Variants in BPIFB3 observed in about 807,000 individuals in gnomAD.
BPIFB3 encodes the protein BPI fold containing family B member 3, also known as BPI fold-containing family B member 3.
A neutral mutation model predicts 53.1 loss-of-function variants in BPIFB3; 49 were observed. That is an observed-to-expected ratio of 0.92 (90% CI 0.73 to 1.17). The LOEUF (loss-of-function observed/expected upper bound fraction) is 1.17. BPIFB3 is among the 50% of genes most tolerant of loss of function. BPIFB3 has a pLI of 0.00. For synonymous variants in BPIFB3, 271 were observed against 269.6 expected (o/e 1.01, Z -0.05); for missense variants, 628 against 592.5 (o/e 1.06, Z -0.62).
intron 3 of BPIFB3, 151 bp from the exon 5 acceptor site, chr20:33,059,740 G>A: frequency 8.5e-7 from 1 of 1,176,598 alleles, no homozygotes; most frequent in Non-Finnish European, 1.2e-6. Flanking sequence ...GAGGGTCAGG[G>A]AAGAGGGTGC....
At position 33,056,623 on chromosome 20, in the gene BPIFB3, G is replaced by A. The variant is rs1285037131; in HGVS notation, c.206G>A (p.Gly69Asp). ...ACAGCTGTGAACCGGGGCCTCTTGG[G>A]CTCAGGAGGGCTGCTTGGAGGAGGC... The change falls in exon 2 of 15, where the codon GGC (glycine) becomes GAC (aspartate). Residue 69 changes from glycine to aspartate, a missense_variant. By Grantham distance (94) the Gly-to-Asp change is moderately conservative (BLOSUM62 -1). Transcript: ENST00000375494. 19 of 1,613,686 alleles carry A rather than the reference G, an allele frequency of 1.2e-5. No homozygotes were observed. Among genetic ancestry groups the A allele is most frequent in the Non-Finnish European group, 1.6e-5 (19 of 1,179,936 alleles).
chr20:33,056,593 C>A lies in BPIFB3; in HGVS notation c.176C>A (p.Ser59Ter), dbSNP rs112217883. 5 of 1,613,834 alleles carry A rather than the reference C, an allele frequency of 3.1e-6. No homozygotes were observed. Among genetic ancestry groups the A allele is most frequent in the Non-Finnish European group, 4.2e-6 (5 of 1,180,024 alleles). The change falls in exon 2 of 15, where the codon TCG (serine) becomes TAG (stop). Residue 59 changes from serine to a stop codon, truncating the protein, a stop_gained. Coordinates refer to ENST00000375494, the Ensembl canonical transcript of BPIFB3. LOFTEE classifies it high-confidence loss of function. The stretch of plus-strand genomic sequence containing the variant: ...CCCATTCTGCAGAATGTGCTGGGAT[C>A]GGTCACAGCTGTGAACCGGGGCCTC...
chr20:33,072,040 T>A, intron 12 of BPIFB3, 64 bp from the exon 14 acceptor site: 1 of 1,553,758 alleles, frequency 6.4e-7, no homozygotes, highest in South Asian at 1.1e-5. Context: ...GGGAACGGGA[T>A]GCTGCTGCCT....
chr20:33,067,478 G>C (rs1018017844), intron 9 of BPIFB3, among the ~76,000 whole-genome samples: 10 of 152,216 alleles, frequency 6.6e-5, no homozygotes, highest in African/African-American at 2.2e-4. Flanking sequence ...TCACCAGAGA[G>C]GATGGAAATG....
intron 5 of BPIFB3, 69 bp downstream of exon 6, chr20:33,061,900 G>A: frequency 6.4e-7 from 1 of 1,569,664 alleles, no homozygotes; most frequent in Non-Finnish European, 8.8e-7. Context: ...TCTGGTTTTG[G>A]GTGAAGTTTG....
chr20:33,056,357 C>T (rs140784682), intron 1 of BPIFB3, among the ~76,000 whole-genome samples, 185 bp from the exon 3 acceptor site: 1,930 of 152,348 alleles, frequency 0.013, 25 homozygotes, highest in Admixed American at 0.018. Flanking sequence ...AGGGTGGCCA[C>T]AGGCCCTGCG....
chr20:33,064,874 G>A (rs1367311687), intron 8 of BPIFB3, 29 bp downstream of exon 9: 20 of 1,601,356 alleles, frequency 1.2e-5, no homozygotes, highest in Non-Finnish European at 1.5e-5. Context: ...GGATGGGGAT[G>A]GGGGCTCCTT....
chr20:33,062,484 C>A (rs966043249), intron 5 of BPIFB3, among the ~76,000 whole-genome samples: 1 of 152,132 alleles, frequency 6.6e-6, no homozygotes. Flanking sequence ...CTGCCCTGGG[C>A]TTGAGGAAGC....
chr20:33,061,946 A>C, intron 5 of BPIFB3, 115 bp downstream of exon 6: 1 of 1,229,136 alleles, frequency 8.1e-7, no homozygotes, highest in Non-Finnish European at 1.2e-6. Context: ...TCCCTTCCAC[A>C]CCCACCTGGT....
At chr20:33,058,545 G>A (rs1451632661) in intron 2 of BPIFB3, among the ~76,000 whole-genome samples, 2 of 152,028 alleles carry the variant, frequency 1.3e-5, no homozygotes, top group Non-Finnish European at 2.9e-5. Flanking sequence ...AATAGAGCCG[G>A]GCAGAGAGTA....
intron 5 of BPIFB3, 42 bp downstream of exon 6, chr20:33,061,873 C>G: frequency 6.2e-7 from 1 of 1,604,652 alleles, no homozygotes. Context: ...TCTCCCAGGA[C>G]TGGGCCTCTT....
exon 12 of BPIFB3, chr20:33,071,282 C>A (rs769871046): frequency 6.4e-7 from 1 of 1,564,902 alleles, no homozygotes; most frequent in Non-Finnish European, 8.7e-7. Flanking sequence ...TCCTCCTTTA[C>A]CCATGCCTTT....
intron 4 of BPIFB3, 56 bp from the exon 6 acceptor site, chr20:33,061,712 T>G (rs1980465220): frequency 3.9e-6 from 6 of 1,552,968 alleles, no homozygotes; most frequent in Non-Finnish European, 4.4e-6. Context: ...GACCCTGTCA[T>G]CTGGGTTGAA....
chr20:33,056,599 C>T (rs1476455034), exon 2 of BPIFB3: 2 of 1,614,038 alleles, frequency 1.2e-6, no homozygotes, highest in East Asian at 4.5e-5. Flanking sequence ...GGATCGGTCA[C>T]AGCTGTGAAC....
At chr20:33,067,681 G>T (rs1259600308) in intron 9 of BPIFB3, among the ~76,000 whole-genome samples, 1 of 152,224 alleles carries the variant, frequency 6.6e-6, no homozygotes, top group East Asian at 1.9e-4. Flanking sequence ...GAGTGGAGAG[G>T]GACATGGGGC....
At chr20:33,055,402 C>T (rs777365752), upstream of BPIFB3, 4 of 1,611,988 alleles carry the variant, frequency 2.5e-6, no homozygotes, top group South Asian at 4.4e-5. Context: ...TCTCAGAGTT[C>T]CTCCTTCTGC....
chr20:33,072,875 G>C, intron 14 of BPIFB3, 82 bp downstream of exon 15: 1 of 1,154,394 alleles, frequency 8.7e-7, no homozygotes, highest in Non-Finnish European at 1.3e-6. Context: ...TGAGGGGAAT[G>C]CTTTGCTTCA....
chr20:33,063,320 C>A (rs1376839455), intron 5 of BPIFB3, among the ~76,000 whole-genome samples: 1 of 152,148 alleles, frequency 6.6e-6, no homozygotes, highest in Non-Finnish European at 1.5e-5. Flanking sequence ...TGTCCGCATG[C>A]CCAAACCAGC....
At chr20:33,059,550 T>A (rs1370129210) in intron 3 of BPIFB3, 68 bp downstream of exon 4, 1 of 1,143,880 alleles carries the variant, frequency 8.7e-7, no homozygotes, top group Non-Finnish European at 1.3e-6. Context: ...TGGAGACTCC[T>A]ACTCTGCTGT....
Sources: gnomAD v4.1 joint callset for allele counts (sites outside exome capture counted in the v4.1 genomes callset) on GRCh38, gnomAD v4.1.1 for gene constraint, MANE v1.5 for transcripts, NCBI Gene and HGNC (gene_info 2026-07-23, HGNC 2026-07-21) for gene names.